Variants in DPP6 observed in about 807,000 individuals in gnomAD.
DPP6 encodes the protein dipeptidyl peptidase like 6.
DPP6 carries 69 observed loss-of-function variants against 122.6 expected under a neutral mutation model. That is an observed-to-expected ratio of 0.56 (90% CI 0.46 to 0.69). DPP6 has a LOEUF of 0.69. DPP6 is among the 30% of genes least tolerant of loss of function. The pLI is 0.00. For synonymous variants in DPP6, 418 were observed against 433.1 expected, an observed-to-expected ratio of 0.97 and a Z score of 0.43; for missense variants, 928 against 1,116.9, an observed-to-expected ratio of 0.83 and a Z score of 2.41.
chr7:154,411,466 C>T (rs1367875407), intron 1 of DPP6, among the ~76,000 whole-genome samples: 2 of 152,158 alleles, frequency 1.3e-5, no homozygotes, highest in African/African-American at 4.8e-5. Flanking sequence ...GTCTCAAACT[C>T]CTAGGTTTAA....
intron 16 of DPP6, among the ~76,000 whole-genome samples, chr7:154,840,050 A>G (rs537138542): frequency 1.6e-4 from 24 of 152,288 alleles, no homozygotes; most frequent in African/African-American, 5.5e-4. Context: ...CAGAGCGTGG[A>G]ACGACTTCCA....
chr7:153,860,911 A>C, the DPP6 span, among the ~76,000 whole-genome samples: 1 of 152,180 alleles, frequency 6.6e-6, no homozygotes, highest in African/African-American at 2.4e-5. Flanking sequence ...AGGAGAGGCA[A>C]GTTAATCCTC....
At chr7:154,664,449 G>A (rs889696824) in intron 6 of DPP6, among the ~76,000 whole-genome samples, 3 of 152,202 alleles carry the variant, frequency 2.0e-5, no homozygotes, top group Non-Finnish European at 1.5e-5. Context: ...AGGCAATGGA[G>A]TTTAAGTCTT....
intron 1 of DPP6, among the ~76,000 whole-genome samples, chr7:154,159,154 G>A (rs1433858084): frequency 6.6e-6 from 1 of 152,078 alleles, no homozygotes; most frequent in African/African-American, 2.4e-5. Flanking sequence ...TGCTCACCTG[G>A]TTTCTGCCCT....
intron 2 of DPP6, among the ~76,000 whole-genome samples, chr7:154,459,816 AAAAAAAAAG>A (rs1821126427): frequency 6.7e-6 from 1 of 150,216 alleles, no homozygotes; most frequent in East Asian, 1.9e-4. Context: ...AAAAAAAAAA[AAAAAAAAAG>A]AAAAGAAAAA....
intron 1 of DPP6, among the ~76,000 whole-genome samples, chr7:153,900,345 T>A (rs954087267): frequency 6.6e-6 from 1 of 152,122 alleles, no homozygotes; most frequent in Non-Finnish European, 1.5e-5. Flanking sequence ...TGGTATGTGT[T>A]GCTATAAAGG....
intron 19 of DPP6, among the ~76,000 whole-genome samples, chr7:154,873,797 T>C (rs531323311): frequency 1.4e-5 from 2 of 144,434 alleles, no homozygotes; most frequent in East Asian, 4.4e-4. Flanking sequence ...TGTGCACACA[T>C]GCATCCACAC....
intron 1 of DPP6, among the ~76,000 whole-genome samples, chr7:154,061,374 G>A (rs1248394626): frequency 6.1e-5 from 9 of 147,084 alleles, no homozygotes; most frequent in Non-Finnish European, 1.1e-4. Flanking sequence ...AGAAAAGATG[G>A]CAGCTGGACT....
chr7:153,764,542 G>C, the DPP6 span, among the ~76,000 whole-genome samples: 10 of 152,046 alleles, frequency 6.6e-5, no homozygotes, highest in Non-Finnish European at 1.3e-4. Flanking sequence ...GATCTCATCT[G>C]GTGATGGGTC....
chr7:153,990,616 C>T (rs1797124320), intron 1 of DPP6, among the ~76,000 whole-genome samples: 4 of 152,122 alleles, frequency 2.6e-5, no homozygotes, highest in Non-Finnish European at 5.9e-5. Flanking sequence ...GCCCTGGAGC[C>T]CCCTGTCCAA....
the DPP6 span, among the ~76,000 whole-genome samples, chr7:153,822,226 G>A: frequency 8.8e-6 from 1 of 114,162 alleles, no homozygotes; most frequent in Non-Finnish European, 1.7e-5. Flanking sequence ...GTCTCGCACT[G>A]TCCCCCAGGC....
intron 5 of DPP6, among the ~76,000 whole-genome samples, chr7:154,636,065 C>A (rs1490174309): frequency 2.0e-5 from 3 of 152,122 alleles, no homozygotes; most frequent in African/African-American, 2.4e-5. Flanking sequence ...TTCCTTTATC[C>A]TCTTCTTCTC....
At chr7:153,825,726 A>T in the DPP6 span, among the ~76,000 whole-genome samples, 1 of 151,926 alleles carries the variant, frequency 6.6e-6, no homozygotes, top group Non-Finnish European at 1.5e-5. Flanking sequence ...CGCCCGGCAA[A>T]TTTTTTGTAT....
At chr7:154,197,768 C>T (rs1244613758) in intron 1 of DPP6, among the ~76,000 whole-genome samples, 1 of 152,184 alleles carries the variant, frequency 6.6e-6, no homozygotes, top group South Asian at 2.1e-4. Context: ...TAGATTATGT[C>T]ACTAAGTAGT....
chr7:154,377,995 G>A (rs13221771), intron 1 of DPP6, among the ~76,000 whole-genome samples: 1 of 152,052 alleles, frequency 6.6e-6, no homozygotes, highest in African/African-American at 2.4e-5. Flanking sequence ...GAAATCTTAG[G>A]GACTGTCTCT....
chr7:154,666,178 T>C (rs944041528), intron 6 of DPP6, among the ~76,000 whole-genome samples: 1 of 78,658 alleles, frequency 1.3e-5, no homozygotes, highest in Non-Finnish European at 2.4e-5. Flanking sequence ...CATACATATA[T>C]GTGTGTATAT....
intron 7 of DPP6, among the ~76,000 whole-genome samples, chr7:154,699,573 C>A (rs994055769): frequency 1.3e-5 from 2 of 152,232 alleles, no homozygotes; most frequent in African/African-American, 4.8e-5. Context: ...GCAGCTGAGC[C>A]CAGTGCAGGG....
At chr7:154,874,584 A>AT (rs1277513545) in intron 19 of DPP6, among the ~76,000 whole-genome samples, 1 of 152,244 alleles carries the variant, frequency 6.6e-6, no homozygotes, top group Non-Finnish European at 1.5e-5. Flanking sequence ...ATGACTCACC[A>AT]GGACCCTAAG....
chr7:153,764,458 T>C, the DPP6 span, among the ~76,000 whole-genome samples: 1 of 152,278 alleles, frequency 6.6e-6, no homozygotes, highest in East Asian at 1.9e-4. Context: ...CAGTCTTAAT[T>C]TCTCACTTCT....
Sources: gnomAD v4.1 joint callset for allele counts (sites outside exome capture counted in the v4.1 genomes callset) on GRCh38, gnomAD v4.1.1 for gene constraint, MANE v1.5 for transcripts, NCBI Gene and HGNC (gene_info 2026-07-23, HGNC 2026-07-21) for gene names.